The following TAB2 variants were observed in gnomAD, a reference collection of about 807,000 sequenced individuals.
TAB2 encodes the protein TGF-beta activated kinase 1 (MAP3K7) binding protein 2, also known as TGF-beta-activated kinase 1 and MAP3K7-binding protein 2.
A neutral mutation model predicts 65.0 loss-of-function variants in TAB2; 3 were observed. The observed-to-expected ratio is 0.05, with a 90% CI of 0.02 to 0.12. The LOEUF is 0.12. TAB2 is among the 10% of genes least tolerant of loss of function. The pLI, the probability that TAB2 is intolerant of heterozygous loss-of-function variation, is 1.00. For synonymous variants in TAB2, 298 were observed against 285.1 expected, an observed-to-expected ratio of 1.05 and a Z score of -0.46; for missense variants, 623 against 840.3, an observed-to-expected ratio of 0.74 and a Z score of 3.20.
chr6:149,352,062 G>A (rs965662121), intron 1 of TAB2, among the ~76,000 whole-genome samples: 50 of 151,974 alleles, frequency 3.3e-4, no homozygotes, highest in African/African-American at 1.1e-3. Context: ...GATTTTAATA[G>A]TAAAGGCCAA....
intron 1 of TAB2, among the ~76,000 whole-genome samples, chr6:149,276,389 A>C (rs1778475281): frequency 6.6e-6 from 1 of 152,202 alleles, no homozygotes; most frequent in Non-Finnish European, 1.5e-5. Flanking sequence ...GGAGATATTA[A>C]TGTGCTAGCG....
chr6:149,237,819 G>A (rs1777528861), intron 1 of TAB2, among the ~76,000 whole-genome samples: 1 of 152,148 alleles, frequency 6.6e-6, no homozygotes, highest in Non-Finnish European at 1.5e-5. Flanking sequence ...GTTCCCAGCA[G>A]GCTTCTGCTG....
intron 4 of TAB2, 21 bp from the exon 5 acceptor site, chr6:149,397,948 T>C: frequency 6.2e-7 from 1 of 1,609,116 alleles, no homozygotes; most frequent in Middle Eastern, 1.9e-4. Flanking sequence ...CAAATCTTAC[T>C]TACATAGAAT....
chr6:149,260,210 GC>G lies in TAB2; in HGVS notation c.-121+41438del, dbSNP rs1160170650. On this transcript the variant is annotated intron_variant, in intron 1 of 1. Transcript: ENST00000606202. ...GCTCAGGCACCACCTCATCAGGACA[GC>G]CCCTGGCATCACTCTCCTTTGCCTG... is the stretch of plus-strand genomic sequence containing the variant. Among the ~76,000 whole-genome samples the G allele has an allele frequency of 3.3e-5, 5 of 152,352 alleles. 1 individual carries two copies. The East Asian group carries it at 9.6e-4, about 29-fold the overall frequency.
At chr6:149,237,857 C>CCCACT (rs1777529502) in intron 1 of TAB2, among the ~76,000 whole-genome samples, 1 of 152,214 alleles carries the variant, frequency 6.6e-6, no homozygotes, top group Non-Finnish European at 1.5e-5. Context: ...ACCACGCCAC[C>CCCACT]CCACTCCAAA....
chr6:149,351,084 T>C (rs920203155), intron 1 of TAB2, among the ~76,000 whole-genome samples: 1 of 152,116 alleles, frequency 6.6e-6, no homozygotes, highest in African/African-American at 2.4e-5. Flanking sequence ...TTACTTCTTT[T>C]ATACTTTAAG....
chr6:149,344,897 A>G (rs1780244225), intron 1 of TAB2, among the ~76,000 whole-genome samples: 1 of 152,332 alleles, frequency 6.6e-6, no homozygotes. Context: ...TTAGCACAGG[A>G]CTTGGCTCAT....
intron 1 of TAB2, among the ~76,000 whole-genome samples, chr6:149,251,074 A>G (rs1777850969): frequency 6.6e-6 from 1 of 152,222 alleles, no homozygotes; most frequent in South Asian, 2.1e-4. Context: ...CACTCAATGC[A>G]CAGCTCTGTC....
At chr6:149,243,918 C>T (rs1409188154) in intron 1 of TAB2, 1 of 152,186 alleles carries the variant, frequency 6.6e-6, no homozygotes, top group African/African-American at 2.4e-5. Context: ...CAAGGCGCAC[C>T]ATCTCCACAG....
At chr6:149,284,707 A>G (rs1778638505) in intron 1 of TAB2, among the ~76,000 whole-genome samples, 1 of 150,956 alleles carries the variant, frequency 6.6e-6, no homozygotes, top group South Asian at 2.1e-4. Context: ...AATATAAACA[A>G]TCTATCCCAA....
intron 1 of TAB2, among the ~76,000 whole-genome samples, chr6:149,251,687 C>T (rs1008742715): frequency 1.3e-5 from 2 of 152,198 alleles, no homozygotes; most frequent in East Asian, 1.9e-4. Flanking sequence ...CCCACAGGAA[C>T]CTCTGCTCTT....
chr6:149,263,405 C>T (rs2114669226), intron 1 of TAB2, among the ~76,000 whole-genome samples: 1 of 152,202 alleles, frequency 6.6e-6, no homozygotes, highest in Non-Finnish European at 1.5e-5. Context: ...ACACAGAAAC[C>T]TCAATTTCAT....
chr6:149,397,461 A>T (rs1391442140), intron 3 of TAB2, 143 bp from the exon 4 acceptor site: 1 of 1,004,046 alleles, frequency 1.0e-6, no homozygotes, highest in Non-Finnish European at 1.5e-6. Flanking sequence ...AAAAAATTGA[A>T]ATTTTAAATG....
intron 1 of TAB2, among the ~76,000 whole-genome samples, chr6:149,277,537 A>G (rs1425664478): frequency 1.3e-5 from 2 of 152,148 alleles, no homozygotes; most frequent in African/African-American, 2.4e-5. Flanking sequence ...ACCAGTGATT[A>G]CCAATTGGGG....
chr6:149,385,267 TTTTA>T (rs1781752336), intron 3 of TAB2, among the ~76,000 whole-genome samples: 1 of 152,276 alleles, frequency 6.6e-6, no homozygotes, highest in Non-Finnish European at 1.5e-5. Flanking sequence ...GGAAATATAA[TTTTA>T]TTTAGTTCAG....
At chr6:149,228,160 A>G (rs1562379954) in intron 1 of TAB2, among the ~76,000 whole-genome samples, 1 of 152,214 alleles carries the variant, frequency 6.6e-6, no homozygotes, top group Non-Finnish European at 1.5e-5. Flanking sequence ...CCTAAGGAAA[A>G]TAATAATTTA....
chr6:149,382,468 C>T (rs1032309933), intron 3 of TAB2, among the ~76,000 whole-genome samples: 13 of 152,020 alleles, frequency 8.6e-5, no homozygotes, highest in African/African-American at 1.7e-4. Context: ...TGGTGGCAGA[C>T]GCCTGTAATC....
intron 1 of TAB2, among the ~76,000 whole-genome samples, chr6:149,353,286 C>G (rs1780550365): frequency 6.6e-6 from 1 of 152,204 alleles, no homozygotes; most frequent in Non-Finnish European, 1.5e-5. Flanking sequence ...CTCCACCTTA[C>G]TCCTTCCCCT....
At chr6:149,248,621 C>T (rs1382336431) in intron 1 of TAB2, among the ~76,000 whole-genome samples, 2 of 152,192 alleles carry the variant, frequency 1.3e-5, no homozygotes, top group African/African-American at 4.8e-5. Context: ...GCACTGTATG[C>T]ACTTGGTCAT....
Sources: gnomAD v4.1 joint callset for allele counts (sites outside exome capture counted in the v4.1 genomes callset) on GRCh38, gnomAD v4.1.1 for gene constraint, MANE v1.5 for transcripts, NCBI Gene and HGNC (gene_info 2026-07-23, HGNC 2026-07-21) for gene names.